Variants in ZNF395 observed in about 807,000 individuals in gnomAD.
ZNF395 encodes the protein zinc finger protein 395.
A neutral mutation model predicts 57.7 loss-of-function variants in ZNF395; 20 were observed. The ratio of observed to expected loss-of-function variants is 0.35; its 90% CI spans 0.24 to 0.50. The LOEUF (loss-of-function observed/expected upper bound fraction) is 0.50, where lower values mean the gene tolerates loss of function less well. Ranked by LOEUF, ZNF395 falls within the 20% of genes least tolerant of loss-of-function variation. The pLI, the probability that ZNF395 is intolerant of heterozygous loss-of-function variation, is 0.97. For synonymous variants in ZNF395, 295 were observed against 275.9 expected (o/e 1.07, Z -0.69); for missense variants, 606 against 671.2 (o/e 0.90, Z 1.07).
chr8:28,359,563 TAA>T lies in ZNF395; in HGVS notation c.473+27_473+28del, dbSNP rs2129957364. On this transcript the variant is annotated intron_variant, in intron 3 of 9. Transcript: ENST00000344423. The surrounding 1 kb of genome is among the most constrained non-coding windows in gnomAD (Gnocchi z 4.7). ...TACACCACACTACCCACGTGACTTT[TAA>T]AACCCAGTTTCTTCTCCCACACAAA... The T allele has an allele frequency of 6.4e-7, 1 of 1,557,082 alleles. No homozygotes were observed. The highest frequency in any genetic ancestry group is 8.7e-7 in the Non-Finnish European group (1 of 1,148,824).
intron 1 of ZNF395, among the ~76,000 whole-genome samples, chr8:28,376,067 C>T (rs546235560): frequency 5.3e-5 from 8 of 152,236 alleles, no homozygotes; most frequent in South Asian, 2.1e-4. Context: ...TTAACCTCCC[C>T]GGGTTCAGGT....
At chr8:28,350,367 T>C (rs1235306970) in intron 7 of ZNF395, among the ~76,000 whole-genome samples, 1 of 152,168 alleles carries the variant, frequency 6.6e-6, no homozygotes, top group Non-Finnish European at 1.5e-5. Flanking sequence ...GAGGCTCCAA[T>C]CTCATCCTGG....
intron 3 of ZNF395, among the ~76,000 whole-genome samples, chr8:28,358,974 G>A (rs879492185): frequency 6.6e-5 from 10 of 152,088 alleles, no homozygotes; most frequent in Admixed American, 2.0e-4. Context: ...GTTGACTCTC[G>A]ATTTAAGCCA....
intron 1 of ZNF395, among the ~76,000 whole-genome samples, chr8:28,366,002 A>C (rs111724635): frequency 1.3e-5 from 2 of 152,280 alleles, no homozygotes; most frequent in African/African-American, 4.8e-5. Flanking sequence ...GTGCTCTCCT[A>C]CCACCCAGGG....
At chr8:28,372,916 C>T (rs1256675619) in intron 1 of ZNF395, among the ~76,000 whole-genome samples, 6 of 152,134 alleles carry the variant, frequency 3.9e-5, no homozygotes, top group Non-Finnish European at 7.4e-5. Context: ...CAGGAGGGCC[C>T]CAAGAGAATC....
chr8:28,350,706 G>T (rs919457987), intron 7 of ZNF395, among the ~76,000 whole-genome samples: 1 of 152,208 alleles, frequency 6.6e-6, no homozygotes, highest in African/African-American at 2.4e-5. Context: ...AAGGAGGAGG[G>T]CTGGCCCATT....
At chr8:28,376,950 G>A (rs1802049436) in intron 1 of ZNF395, among the ~76,000 whole-genome samples, 1 of 152,178 alleles carries the variant, frequency 6.6e-6, no homozygotes, top group Non-Finnish European at 1.5e-5. Context: ...CAAAATGCAA[G>A]CATATATCAT....
intron 4 of ZNF395, among the ~76,000 whole-genome samples, 163 bp from the exon 5 acceptor site, chr8:28,353,571 G>A (rs1302535337): frequency 6.6e-6 from 1 of 152,146 alleles, no homozygotes; most frequent in Non-Finnish European, 1.5e-5. Context: ...TAGCCACCTG[G>A]TCATCACTGA....
intron 9 of ZNF395, 64 bp from the exon 10 acceptor site, chr8:28,348,894 G>T (rs1801642529): frequency 3.2e-6 from 5 of 1,538,804 alleles, no homozygotes; most frequent in Non-Finnish European, 4.5e-6. Flanking sequence ...GAGTGGCCAA[G>T]TGGGGCTGGG....
chr8:28,351,525 GAAGGACCCAGGAGCTGA>G lies in ZNF395; in HGVS notation c.1186_1202del (p.Ser396LeufsTer83), dbSNP rs1220224449. 1 of 1,611,470 alleles carries G rather than the reference GAAGGACCCAGGAGCTGA, an allele frequency of 6.2e-7. No individual in the cohort carries two copies. The highest frequency in any genetic ancestry group is 8.5e-7 in the Non-Finnish European group (1 of 1,178,180). The stretch of plus-strand genomic sequence containing the variant: ...ATGCATGATCTGCCTGAATGTGCCA[GAAGGACCCAGGAGCTGA>G]CTTGCTGAGAGCCCCTGAGGGCAGG... On this transcript the variant is annotated frameshift_variant, in exon 7 of 10. Coordinates refer to ENST00000344423, the MANE Select transcript of ZNF395 (RefSeq NM_018660.3). LOFTEE classifies it high-confidence loss of function.
intron 1 of ZNF395, among the ~76,000 whole-genome samples, chr8:28,383,842 G>C (rs1802139413): frequency 1.3e-5 from 2 of 151,976 alleles, no homozygotes; most frequent in African/African-American, 4.8e-5. Flanking sequence ...ACTAACATCT[G>C]GATATCTTAG....
intron 4 of ZNF395, among the ~76,000 whole-genome samples, chr8:28,355,144 T>C (rs1801764493): frequency 6.6e-6 from 1 of 152,126 alleles, no homozygotes; most frequent in African/African-American, 2.4e-5. Flanking sequence ...AATAAAGTAC[T>C]GCTCTACAAA....
In ZNF395 at chr8:28,351,582, A is replaced by G. The variant is rs1291489436; in HGVS notation, c.1146T>C (p.Pro382=). 3 of 1,613,818 alleles carry G rather than the reference A, an allele frequency of 1.9e-6. No individual in the cohort carries two copies. The South Asian group carries it at 3.3e-5, about 18-fold the overall frequency. The change falls in exon 7 of 10, where the codon CCT becomes CCC. Residue 382 remains proline (P), a synonymous_variant. Transcript: ENST00000344423. ...HKAQSSGPEH[P]GPESSLPSGA... ...CTGAGGGCAGGGAGGACTCCGGGCC[A>G]GGATGTTCTGGGCCGGAGGACTGGG...
Position 28,348,462 on chromosome 8 carries a change from T to A in ZNF395, c.*257A>T. On this transcript the variant is annotated 3_prime_UTR_variant, in exon 10 of 10. Transcript: ENST00000344423. ...GGTAATTAATTCTTTGGTCACTGGTTCACTGCTGAATAGCCTTGGTCAGTT... is the reference window on the plus strand; with the variant it reads ...GGTAATTAATTCTTTGGTCACTGGTACACTGCTGAATAGCCTTGGTCAGTT... 1 of 442,030 alleles carries A rather than the reference T, an allele frequency of 2.3e-6. No individual in the cohort carries two copies. Among genetic ancestry groups the A allele is most frequent in the East Asian group, 4.9e-5 (1 of 20,616 alleles). The allele number at this position is 442,030 out of a possible 1,614,324, so 27.4% of individuals were successfully genotyped here. A position where few individuals can be genotyped will look rare whatever the true frequency, so the allele number is the denominator to read the frequency against.
In ZNF395 at chr8:28,359,606, G is replaced by A. The variant is rs375303756; in HGVS notation, c.459C>T (p.Ile153=). The A allele has an allele frequency of 7.9e-5, 127 of 1,600,618 alleles. 1 individual carries two copies. The South Asian group carries it at 8.2e-4, about 10-fold the overall frequency. Residue 153 remains isoleucine (I), a synonymous_variant, in exon 3 of 10, where the codon ATC becomes ATT. Transcript: ENST00000344423. This position sits in a 1 kb window ranked among gnomAD's most constrained non-coding sequence, Gnocchi z 4.7. The part of the protein sequence containing the change: ...ALAYRPVSRN[I]DVPKRKSDAV... ...CCCACACAAACCTCTTTGGGACATC[G>A]ATGTTCCTGGAGACGGGCCTGTAGG...
chr8:28,371,805 T>C (rs1801979799), intron 1 of ZNF395, among the ~76,000 whole-genome samples: 1 of 152,172 alleles, frequency 6.6e-6, no homozygotes, highest in Admixed American at 6.5e-5. Context: ...TCCCAGCACT[T>C]TGGGAGGCCA....
chr8:28,358,719 T>A (rs1801812225), intron 3 of ZNF395, among the ~76,000 whole-genome samples: 1 of 152,200 alleles, frequency 6.6e-6, no homozygotes. Flanking sequence ...CCACTGCGCC[T>A]GGCCTAAATA....
chr8:28,356,630 T>C lies in ZNF395; in HGVS notation c.583+40A>G. ...GCACAGAGGATGTTTGTCGTGGGCC[T>C]CTACCATGCCCAGAACCCAGCTGGG... On this transcript the variant is annotated intron_variant, in intron 4 of 9. Transcript: ENST00000344423. This position sits in a 1 kb window ranked among gnomAD's most constrained non-coding sequence, Gnocchi z 4.0. The C allele has an allele frequency of 6.5e-7, 1 of 1,529,664 alleles. No individual in the cohort carries two copies. The highest frequency in any genetic ancestry group is 1.1e-5 in the South Asian group (1 of 88,230). The allele number at this position is 1,529,664 out of a possible 1,614,324, so 94.8% of individuals were successfully genotyped here.
chr8:28,366,697 T>C (rs1471898427), intron 1 of ZNF395, among the ~76,000 whole-genome samples: 2 of 152,126 alleles, frequency 1.3e-5, no homozygotes, highest in Non-Finnish European at 2.9e-5. Flanking sequence ...CCTCCTGGTT[T>C]GCAGGTCACC....
Sources: allele counts gnomAD v4.1 joint callset (sites outside exome capture counted in the v4.1 genomes callset), GRCh38; gene constraint gnomAD v4.1.1; non-coding constraint Gnocchi (gnomAD v3.1); transcripts MANE v1.5; gene names NCBI Gene and HGNC (gene_info 2026-07-23, HGNC 2026-07-21).